ABCA13: variants seen among roughly 807,000 people sequenced by gnomAD.
The protein encoded by ABCA13 is ATP-binding cassette sub-family A member 13.
ABCA13 carries 476 observed loss-of-function variants against 478.7 expected under a neutral mutation model. The ratio of observed to expected loss-of-function variants is 0.99; its 90% confidence interval spans 0.92 to 1.07. The LOEUF is 1.07. Among genes scored for constraint, ABCA13 ranks in the 50% least tolerant of loss-of-function variants. ABCA13 has a pLI of 0.00. For synonymous variants in ABCA13, 2,252 were observed against 2,158.9 expected, an observed-to-expected ratio of 1.04 and a Z score of -1.20; for missense variants, 6,060 against 5,910.6, an observed-to-expected ratio of 1.03 and a Z score of -0.83.
intron 59 of ABCA13, among the ~76,000 whole-genome samples, chr7:48,626,259 A>C (rs1293107446): frequency 6.6e-6 from 1 of 152,216 alleles, no homozygotes; most frequent in Non-Finnish European, 1.5e-5. Flanking sequence ...TAGGAGGAGG[A>C]AGAATGCACA....
Position 48,274,725 on chromosome 7 carries a change from G to A in ABCA13, c.5059G>A (p.Val1687Ile), listed in dbSNP as rs1341472265. Residue 1687 changes from valine (V) to isoleucine (I), a missense_variant, in exon 17 of 62, where the codon GTA (valine) becomes ATA (isoleucine). Around this residue, in one of 3 missense-constraint regions of ABCA13, gnomAD observed 4,423 missense variants for 4,309.1 expected, o/e 1.03. Transcript: ENST00000435803. ...LLVDQLEQVS[V>I]NLMDFFKNIS... Reference sequence around the variant, plus strand: ...AGTGGATCAGCTTGAACAAGTTAGTGTAAACCTAATGGATTTCTTTAAGAA... The same window carrying A: ...AGTGGATCAGCTTGAACAAGTTAGTATAAACCTAATGGATTTCTTTAAGAA... The A allele has an allele frequency of 1.3e-5, 21 of 1,613,864 alleles. No homozygotes were observed. The highest frequency in any genetic ancestry group is 1.7e-5 in the Non-Finnish European group (20 of 1,179,860).
intron 41 of ABCA13, among the ~76,000 whole-genome samples, chr7:48,418,301 C>T (rs1188185659): frequency 2.0e-5 from 3 of 152,154 alleles, no homozygotes; most frequent in African/African-American, 7.2e-5. Context: ...GTGTTTCCAC[C>T]AGCAATGAAT....
intron 27 of ABCA13, among the ~76,000 whole-genome samples, chr7:48,327,219 A>G (rs987106410): frequency 1.3e-5 from 2 of 152,156 alleles, no homozygotes; most frequent in African/African-American, 4.8e-5. Context: ...GAAACTTACA[A>G]TCATATTGGA....
intron 8 of ABCA13, among the ~76,000 whole-genome samples, chr7:48,236,287 C>T (rs1377259782): frequency 6.6e-6 from 1 of 152,080 alleles, no homozygotes; most frequent in Non-Finnish European, 1.5e-5. Flanking sequence ...AGAAGCAGCT[C>T]TCTTTTTGGT....
At chr7:48,285,202 G>A (rs1797563433) in intron 19 of ABCA13, among the ~76,000 whole-genome samples, 1 of 152,172 alleles carries the variant, frequency 6.6e-6, no homozygotes, top group African/African-American at 2.4e-5. Flanking sequence ...ATTTCCAGTT[G>A]AAGAGACCTG....
At chr7:48,284,768 T>C (rs1242122837) in intron 19 of ABCA13, among the ~76,000 whole-genome samples, 3 of 152,134 alleles carry the variant, frequency 2.0e-5, no homozygotes, top group Non-Finnish European at 4.4e-5. Context: ...ATAACTAACA[T>C]TTAAACTGCC....
At chr7:48,477,044 A>T (rs1188655244) in intron 45 of ABCA13, among the ~76,000 whole-genome samples, 3 of 152,232 alleles carry the variant, frequency 2.0e-5, no homozygotes, top group African/African-American at 4.8e-5. Flanking sequence ...TTCTGGACTC[A>T]AGATCTGTAA....
In ABCA13 at chr7:48,248,233, G is replaced by C; in HGVS notation, c.1660-6G>C. On this transcript the variant is annotated splice_region_variant and splice_polypyrimidine_tract_variant and intron_variant, in intron 13 of 61. Transcript: ENST00000435803. Reference sequence around the variant, plus strand: ...ATTATAAGCAATATCTTCTTTTCTTGTTAAGGATCGTATTTTGCAAGAGGT... The same window carrying C: ...ATTATAAGCAATATCTTCTTTTCTTCTTAAGGATCGTATTTTGCAAGAGGT... 1 of 1,608,984 alleles carries C rather than the reference G, an allele frequency of 6.2e-7. No homozygotes were observed. Among genetic ancestry groups the C allele is most frequent in the Middle Eastern group, 1.7e-4 (1 of 6,046 alleles).
At position 48,233,451 on chromosome 7, in the gene ABCA13, T is replaced by C. The variant is rs376989074; in HGVS notation, c.764-567T>C. On this transcript the variant is annotated intron_variant, in intron 7 of 61. Transcript: ENST00000435803. ...TTTTGAATGTGTCACTACTAGATAG[T>C]GCCATGGGTTTTTTGGGTAGCTCAT... Among the ~76,000 whole-genome samples the C allele has an allele frequency of 7.9e-5, 12 of 152,180 alleles. No homozygotes were observed. The East Asian group carries it at 1.7e-3, about 22-fold the overall frequency.
chr7:48,494,339 C>A (rs1259887175), intron 48 of ABCA13, among the ~76,000 whole-genome samples: 3 of 152,196 alleles, frequency 2.0e-5, no homozygotes, highest in Non-Finnish European at 4.4e-5. Context: ...AATCTCTGAT[C>A]TGTAATAGAG....
At position 48,276,308 on chromosome 7, in the gene ABCA13, TA is replaced by T; in HGVS notation, c.6644del (p.Asn2215ThrfsTer2). On this transcript the variant is annotated frameshift_variant, in exon 17 of 62. Transcript: ENST00000435803. LOFTEE classifies it high-confidence loss of function. ...AAAACATCCTAATTAATTTGATCAA[TA>T]ACTTAGCTGGGAATTCTCAGGAAGC... ...FENILINLIN[N>X]LAGNSQEAAW... 6.4e-7 allele frequency: 1 copy of T among 1,555,134 alleles called. No individual in the cohort carries two copies. The highest frequency in any genetic ancestry group is 8.7e-7 in the Non-Finnish European group (1 of 1,149,312).
intron 5 of ABCA13, among the ~76,000 whole-genome samples, chr7:48,223,488 C>A (rs2128972809): frequency 6.6e-6 from 1 of 152,182 alleles, no homozygotes; most frequent in South Asian, 2.1e-4. Context: ...CCCAGGAAGG[C>A]AATTTTCTAG....
chr7:48,285,556 A>G (rs1321750767), intron 19 of ABCA13, among the ~76,000 whole-genome samples: 1 of 152,218 alleles, frequency 6.6e-6, no homozygotes, highest in East Asian at 1.9e-4. Flanking sequence ...TCCCATGATC[A>G]TATCATCCCT....
At chr7:48,297,434 C>T in intron 22 of ABCA13, 123 bp downstream of exon 22, 1 of 972,412 alleles carries the variant, frequency 1.0e-6, no homozygotes, top group Non-Finnish European at 1.5e-6. Context: ...TAATCATTTA[C>T]AACTTGGCTG....
At chr7:48,586,283 C>T (rs1256822478) in intron 56 of ABCA13, among the ~76,000 whole-genome samples, 1 of 152,134 alleles carries the variant, frequency 6.6e-6, no homozygotes, top group Non-Finnish European at 1.5e-5. Context: ...CCATTCTCCT[C>T]CCCATCTCTA....
chr7:48,569,665 C>T (rs917567327), intron 55 of ABCA13, among the ~76,000 whole-genome samples: 1 of 152,130 alleles, frequency 6.6e-6, no homozygotes, highest in Non-Finnish European at 1.5e-5. Flanking sequence ...GCTGGGAATA[C>T]AGGCATCTGC....
Position 48,202,542 on chromosome 7 carries a change from A to T in ABCA13, c.287+4182A>T, listed in dbSNP as rs373248654. On this transcript the variant is annotated intron_variant, in intron 3 of 61. Coordinates refer to ENST00000435803, the MANE Select transcript of ABCA13 (RefSeq NM_152701.5). The stretch of plus-strand genomic sequence containing the variant: ...ACAGAGTGTCGATTGTTGCACTCAC[A>T]AACCTTGAGCTAAACACAGGGTGCT... 1.7e-3 allele frequency among the ~76,000 whole-genome samples: 265 copies of T among 152,022 alleles called. 1 individual carries two copies. Among genetic ancestry groups the T allele is most frequent in the African/African-American group, 6.0e-3 (247 of 41,426 alleles).
intron 21 of ABCA13, among the ~76,000 whole-genome samples, chr7:48,296,216 C>A (rs192105358): frequency 1.3e-5 from 2 of 151,966 alleles, no homozygotes; most frequent in African/African-American, 2.4e-5. Context: ...ATAGCAAGAC[C>A]CTGTCTCTAA....
At chr7:48,490,526 GGCATGAATACA>G (rs1829746646) in intron 48 of ABCA13, among the ~76,000 whole-genome samples, 1 of 152,122 alleles carries the variant, frequency 6.6e-6, no homozygotes, top group South Asian at 2.1e-4. Context: ...CATTCTGGTG[GGCATGAATACA>G]GCATGGTTCA....
Sources: allele counts gnomAD v4.1 joint callset (sites outside exome capture counted in the v4.1 genomes callset), GRCh38; gene constraint gnomAD v4.1.1; regional missense constraint gnomAD v4.1.1; transcripts MANE v1.5; gene names NCBI Gene and HGNC (gene_info 2026-07-23, HGNC 2026-07-21).